Variants in TTN observed in about 807,000 individuals in gnomAD.
TTN encodes the protein connectin.
A neutral mutation model predicts 3,223.0 loss-of-function variants in TTN; 1,525 were observed. That is an observed-to-expected ratio of 0.47 (90% CI 0.45 to 0.49). The LOEUF (loss-of-function observed/expected upper bound fraction) is 0.49. TTN is among the 20% of genes least tolerant of loss of function. TTN has a pLI of 0.00. For missense variants in TTN, 40,786 were observed against 43,424.0 expected (o/e 0.94, Z 5.40); for synonymous variants, 14,094 against 15,161.0 (o/e 0.93, Z 5.17).
chr2:178,748,640 T>A (rs1312660974), intron 47 of TTN: 2 of 1,613,042 alleles, frequency 1.2e-6, no homozygotes, highest in Admixed American at 3.3e-5. Context: ...GAATTTCACA[T>A]CTGTGTGTTT....
rs778031659 is a variant in TTN, at chr2:178,732,676, A to T, written c.16385T>A (p.Leu5462Gln). 1 of 1,606,200 alleles carries T rather than the reference A, an allele frequency of 6.2e-7. No homozygotes were observed. Among genetic ancestry groups the T allele is most frequent in the Non-Finnish European group, 8.5e-7 (1 of 1,176,140 alleles). The change falls in exon 56 of 363, where the codon CTG becomes CAG. Residue 5462 changes from leucine to glutamine, a missense_variant. Leu to Gln is a moderately radical substitution (Grantham distance 113, BLOSUM62 -2). Coordinates refer to ENST00000589042, the MANE Select transcript of TTN (RefSeq NM_001267550.2). ...FVTKPGSKDV[L>Q]PGSAVCLKST... The stretch of plus-strand genomic sequence containing the variant: ...CTTCAGGCAGACTGCTGAGCCAGGC[A>T]GAACATCCTTTGAGCCGGGTTTAGT...
intron 34 of TTN, chr2:178,770,933 T>A: frequency 2.6e-6 from 2 of 773,796 alleles, no homozygotes; most frequent in South Asian, 2.9e-5. Flanking sequence ...AGCAGCATAA[T>A]AGACTGATTG....
rs777509811 is a variant in TTN at position 178,575,425 on chromosome 2, A to G, written c.70707T>C (p.Ile23569=). 6.2e-7 allele frequency: 1 copy of G among 1,613,602 alleles called. No homozygotes were observed. The change falls in exon 326 of 363, where the codon ATT becomes ATC. Residue 23569 remains isoleucine, a synonymous_variant. Transcript: ENST00000589042. This position sits in a 1 kb window ranked among gnomAD's most constrained non-coding sequence, Gnocchi z 4.0. ...GGTCAGAGCCTTTTCTTTGGGCTTC[A>G]ATCACATAGCCAGTGATCTTGCTGC... is the stretch of plus-strand genomic sequence containing the variant. ...DGGSKITGYV[I]EAQRKGSDQW...
intron 18 of TTN, 76 bp downstream of exon 18, chr2:178,782,730 A>C: frequency 6.2e-7 from 1 of 1,610,216 alleles, no homozygotes; most frequent in Non-Finnish European, 8.5e-7. Flanking sequence ...AGGTGCACAG[A>C]AACCATATTG....
At position 178,566,219 on chromosome 2, in the gene TTN, T is replaced by G. The variant is rs540623797; in HGVS notation, c.79913A>C (p.Gln26638Pro). 3 of 1,613,740 alleles carry G rather than the reference T, an allele frequency of 1.9e-6. No individual in the cohort carries two copies. Among genetic ancestry groups the G allele is most frequent in the South Asian group, 1.1e-5 (1 of 91,090 alleles). The change falls in exon 326 of 363, where the codon CAA (glutamine) becomes CCA (proline). Residue 26638 changes from glutamine to proline, a missense_variant. By Grantham distance (76) the Gln-to-Pro change is moderately conservative (BLOSUM62 -1). Transcript: ENST00000589042. ...REEGEFTDKVQIEKGVNYTQL... is the reference protein window; with the variant it reads ...REEGEFTDKVPIEKGVNYTQL... The stretch of plus-strand genomic sequence containing the variant: ...GGTATAGTTTACTCCCTTTTCAATT[T>G]GGACCTTATCTGTGAATTCACCTTC...
intron 47 of TTN, chr2:178,750,171 C>T: frequency 1.2e-6 from 2 of 1,613,020 alleles, no homozygotes; most frequent in African/African-American, 1.3e-5. Flanking sequence ...TTTGTTTGGC[C>T]CTCTTGACTC....
Position 178,783,733 on chromosome 2 carries a change from G to A in TTN, c.2828C>T (p.Pro943Leu), listed in dbSNP as rs577379388. Residue 943 changes from proline to leucine, a missense_variant, in exon 17 of 363, where the codon CCA becomes CTA. Pro to Leu is a moderately conservative substitution (Grantham distance 98, BLOSUM62 -3). Coordinates refer to ENST00000589042, the MANE Select transcript of TTN (RefSeq NM_001267550.2). ...PAPVEIPVTP[P>L]TLVSGLKNVT... ...TTCTTTACTCACCGAGACCAAAGTT[G>A]GTGGAGTAACAGGAATTTCAACAGG... 2 of 1,613,368 alleles carry A rather than the reference G, an allele frequency of 1.2e-6. No individual in the cohort carries two copies. The highest frequency in any genetic ancestry group is 2.7e-5 in the African/African-American group (2 of 74,874).
intron 13 of TTN, among the ~76,000 whole-genome samples, chr2:178,788,011 G>A (rs1490509761): frequency 6.6e-6 from 1 of 152,020 alleles, no homozygotes; most frequent in Admixed American, 6.6e-5. Flanking sequence ...TACTAGAAAT[G>A]CTCACTGTTC....
Position 178,575,384 on chromosome 2 carries a change from G to A in TTN, c.70748C>T (p.Thr23583Ile), listed in dbSNP as rs397517687. 1 of 1,613,634 alleles carries A rather than the reference G, an allele frequency of 6.2e-7. No homozygotes were observed. Residue 23583 changes from threonine (T) to isoleucine (I), a missense_variant, in exon 326 of 363, where the codon ACA becomes ATA. Transcript: ENST00000589042. This position sits in a 1 kb window ranked among gnomAD's most constrained non-coding sequence, Gnocchi z 4.0. ...AACACATTCTAACCCTTTCACGGTT[G>A]TGATGTGGGTCCACTGGTCAGAGCC... ...RKGSDQWTHI[T>I]TVKGLECVVR...
rs768340723 is a variant in TTN at position 178,746,253 on chromosome 2, T to C, written c.11312-4332A>G. On this transcript the variant is annotated intron_variant, in intron 47 of 362. Coordinates refer to ENST00000589042, the MANE Select transcript of TTN (RefSeq NM_001267550.2). Reference sequence around the variant, plus strand: ...ATTTTAAAATCACAAATAGGCATTATAAAGCGAGGAGGCATTTCAAATACT... The same window carrying C: ...ATTTTAAAATCACAAATAGGCATTACAAAGCGAGGAGGCATTTCAAATACT... 3.7e-6 allele frequency: 6 copies of C among 1,612,546 alleles called. No homozygotes were observed. The East Asian group carries it at 1.1e-4, about 30-fold the overall frequency.
In TTN at chr2:178,634,231, G is replaced by T; in HGVS notation, c.42415+135C>A. The T allele has an allele frequency of 6.8e-7, 1 of 1,477,718 alleles. No individual in the cohort carries two copies. 91.5% of individuals were successfully genotyped at this position (1,477,718 alleles called of 1,614,324 possible). On this transcript the variant is annotated intron_variant, in intron 230 of 362. Coordinates refer to ENST00000589042, the MANE Select transcript of TTN (RefSeq NM_001267550.2). The surrounding 1 kb of genome is among the most constrained non-coding windows in gnomAD (Gnocchi z 4.6). ...AGAGCTCCACTAAAAACAAATTAAG[G>T]GGGGTTGTTTTGGTAACACTGTGAA...
Position 178,534,637 on chromosome 2 carries a change from C to T in TTN, c.101978G>A (p.Ser33993Asn). ...AAGTGACCACATGTCTGTGGCTGTG[C>T]TGACAACATCATGCTGGTGGACTTC... is the stretch of plus-strand genomic sequence containing the variant. Reference protein sequence around the residue: ...APEVHQHDVVSTATDMWSLGT... With the variant: ...APEVHQHDVVNTATDMWSLGT... Residue 33993 changes from serine (S) to asparagine (N), a missense_variant, in exon 358 of 363, where the codon AGC becomes AAC. Transcript: ENST00000589042. 1 of 1,613,594 alleles carries T rather than the reference C, an allele frequency of 6.2e-7. No homozygotes were observed. Among genetic ancestry groups the T allele is most frequent in the Non-Finnish European group, 8.5e-7 (1 of 1,179,568 alleles).
Position 178,712,382 on chromosome 2 carries a change from T to C in TTN, c.27540A>G (p.Gly9180=), listed in dbSNP as rs780413583. ...CATTTTCAATGTAGCAGTTGTATTG[T>C]CCTGCATCCTCTACTGTGCTACTTG... ...EIPSSTVEDA[G]QYNCYIENAS... Residue 9180 remains glycine (G), a synonymous_variant, in exon 95 of 363, where the codon GGA becomes GGG. Transcript: ENST00000589042. The C allele has an allele frequency of 3.7e-6, 6 of 1,613,740 alleles. No homozygotes were observed. Among genetic ancestry groups the C allele is most frequent in the Non-Finnish European group, 5.1e-6 (6 of 1,179,820 alleles).
Position 178,577,360 on chromosome 2 carries a change from T to C in TTN, c.68975A>G (p.Asp22992Gly), listed in dbSNP as rs2046668085. 2 of 1,613,000 alleles carry C rather than the reference T, an allele frequency of 1.2e-6. No homozygotes were observed. Among genetic ancestry groups the C allele is most frequent in the African/African-American group, 1.3e-5 (1 of 74,868 alleles). The change falls in exon 324 of 363, where the codon GAT becomes GGT. Residue 22992 changes from aspartate (D) to glycine (G), a missense_variant. Coordinates refer to ENST00000589042, the MANE Select transcript of TTN (RefSeq NM_001267550.2). Reference sequence around the variant, plus strand: ...TGGGGTTGAAGTTATCTGAGTGATATCTGATGGTCTAATGTCTTTTCCTGC... The same window carrying C: ...TGGGGTTGAAGTTATCTGAGTGATACCTGATGGTCTAATGTCTTTTCCTGC... ...SKAGKDIRPSDITQITSTPTS... is the reference protein window; with the variant it reads ...SKAGKDIRPSGITQITSTPTS...
At chr2:178,586,404 G>T in intron 308 of TTN, 101 bp downstream of exon 308, 1 of 1,431,854 alleles carries the variant, frequency 7.0e-7, no homozygotes, top group Non-Finnish European at 9.5e-7. Context: ...TGTTTTTCAA[G>T]AATTTCTAGA....
chr2:178,555,139 A>G lies in TTN; in HGVS notation c.88320T>C (p.Ile29440=). The part of the protein sequence containing the change: ...TCIDSYGGPV[I]DLPLEYTEVV... Reference sequence around the variant, plus strand: ...CTTCTGTATATTCTAGAGGCAAATCAATTACAGGACCACCTGCAAGAAAAA... The same window carrying G: ...CTTCTGTATATTCTAGAGGCAAATCGATTACAGGACCACCTGCAAGAAAAA... Residue 29440 remains isoleucine (I), a synonymous_variant, in exon 331 of 363, where the codon ATT becomes ATC. Coordinates refer to ENST00000589042, the MANE Select transcript of TTN (RefSeq NM_001267550.2). The G allele has an allele frequency of 6.2e-7, 1 of 1,608,976 alleles. No homozygotes were observed. Among genetic ancestry groups the G allele is most frequent in the Non-Finnish European group, 8.5e-7 (1 of 1,178,784 alleles).
intron 121 of TTN, 62 bp from the exon 122 acceptor site, chr2:178,689,958 G>T: frequency 7.3e-7 from 1 of 1,368,948 alleles, no homozygotes; most frequent in Non-Finnish European, 1.0e-6. Flanking sequence ...AAGAACATAG[G>T]CACATGCACA....
At chr2:178,538,375 T>C (rs955643956) in intron 354 of TTN, 165 bp downstream of exon 354, 100 of 635,268 alleles carry the variant, frequency 1.6e-4, no homozygotes, top group Non-Finnish European at 2.3e-4. Flanking sequence ...GTGCTTGGAA[T>C]GGTTTCCTGT....
Position 178,541,276 on chromosome 2 carries a change from C to A in TTN, c.97795+6G>T, listed in dbSNP as rs3731750. ...AATCAATTTGACTGATACAAAATGT[C>A]CTTACCAATTGGATCCATGGCAACG... On this transcript the variant is annotated splice_donor_region_variant and intron_variant, in intron 350 of 362. Transcript: ENST00000589042. 399,322 of 1,484,278 alleles carry A rather than the reference C, an allele frequency of 0.27. 64,894 individuals carry two copies. The highest frequency in any genetic ancestry group is 0.69 in the East Asian group (27,653 of 40,008). The allele number at this position is 1,484,278 out of a possible 1,614,324, so 91.9% of individuals were successfully genotyped here.
Sources: allele counts gnomAD v4.1 joint callset (sites outside exome capture counted in the v4.1 genomes callset), GRCh38; gene constraint gnomAD v4.1.1; non-coding constraint Gnocchi (gnomAD v3.1); transcripts MANE v1.5; gene names NCBI Gene and HGNC (gene_info 2026-07-23, HGNC 2026-07-21).